TMEM74B: variants seen among roughly 807,000 people sequenced by gnomAD.
TMEM74B encodes transmembrane protein 74B, also known as transmembrane protein C20orf46.
In TMEM74B, 7 loss-of-function variants were observed where a neutral mutation model predicts 6.5. The ratio of observed to expected loss-of-function variants is 1.07; its 90% confidence interval spans 0.61 to 2.01. TMEM74B has a LOEUF of 2.01. Ranked by LOEUF, TMEM74B falls within the 30% of genes most tolerant of loss-of-function variation. The pLI, the probability that TMEM74B is intolerant of heterozygous loss-of-function variation, is 0.00. For missense variants in TMEM74B, 342 were observed against 337.0 expected (o/e 1.01, Z -0.12); for synonymous variants, 151 against 151.6 (o/e 1.00, Z 0.03).
At position 1,181,411 on chromosome 20, in the gene TMEM74B, C is replaced by T; in HGVS notation, c.208G>A (p.Glu70Lys). 6.5e-7 allele frequency: 1 copy of T among 1,527,382 alleles called. No homozygotes were observed. Among genetic ancestry groups the T allele is most frequent in the Non-Finnish European group, 8.8e-7 (1 of 1,137,408 alleles). The allele number at this position is 1,527,382 out of a possible 1,614,324, so 94.6% of individuals were successfully genotyped here. ...ENACFSSEEH[E>K]THFQNPGNTR... ...TTCCCAGGGTTCTGGAAATGGGTCTCATGCTCCTCTGAGGAGAAGCAGGCA... is the reference window on the plus strand; with the variant it reads ...TTCCCAGGGTTCTGGAAATGGGTCTTATGCTCCTCTGAGGAGAAGCAGGCA... Residue 70 changes from glutamate (E) to lysine (K), a missense_variant, in exon 3 of 3, where the codon GAG becomes AAG. Transcript: ENST00000429036. The surrounding 1 kb of genome is among the most constrained non-coding windows in gnomAD (Gnocchi z 4.9).
upstream of TMEM74B, among the ~76,000 whole-genome samples, chr20:1,188,302 A>G (rs371626560): frequency 6.6e-6 from 1 of 152,098 alleles, no homozygotes; most frequent in African/African-American, 2.4e-5. Flanking sequence ...CCATTCTCCA[A>G]TAAAAGGATC....
intron 2 of TMEM74B, among the ~76,000 whole-genome samples, chr20:1,182,526 G>GA (rs1242228221): frequency 6.2e-4 from 94 of 152,244 alleles, no homozygotes; most frequent in Non-Finnish European, 9.0e-4. Context: ...CCAGCAGGTT[G>GA]GGGATGGCAT....
At chr20:1,188,668 C>T (rs1224624065), upstream of TMEM74B, among the ~76,000 whole-genome samples, 1 of 150,282 alleles carries the variant, frequency 6.7e-6, no homozygotes, top group African/African-American at 2.4e-5. Context: ...TACACACACA[C>T]CACACACACA....
At position 1,180,857 on chromosome 20, in the gene TMEM74B, C is replaced by G; in HGVS notation, c.762G>C (p.Gln254His). The stretch of plus-strand genomic sequence containing the variant: ...TAAGGTGGGCTAGTTCTTAAGACCT[C>G]TGGAGGGTGTGGCTAGTCTCTGAGA... ...VQVSETSHTL[Q>H]RS The change falls in exon 3 of 3, where the codon CAG (glutamine) becomes CAC (histidine). Residue 254 changes from glutamine to histidine, a missense_variant. By Grantham distance (24) the Gln-to-His change is conservative (BLOSUM62 0). Transcript: ENST00000429036. The surrounding 1 kb of genome is among the most constrained non-coding windows in gnomAD (Gnocchi z 6.1). 6.3e-7 allele frequency: 1 copy of G among 1,590,530 alleles called. No homozygotes were observed.
chr20:1,185,576 G>C (rs567738116), upstream of TMEM74B, among the ~76,000 whole-genome samples: 1 of 151,546 alleles, frequency 6.6e-6, no homozygotes, highest in Non-Finnish European at 1.5e-5. Flanking sequence ...AGGAAGGCGG[G>C]TGATGGGCTG....
Position 1,181,476 on chromosome 20 carries a change from G to C in TMEM74B, c.143C>G (p.Pro48Arg), listed in dbSNP as rs1239197106. 1.3e-6 allele frequency: 2 copies of C among 1,513,240 alleles called. No homozygotes were observed. Among genetic ancestry groups the C allele is most frequent in the Admixed American group, 4.6e-5 (2 of 43,514 alleles). 93.7% of individuals were successfully genotyped at this position (1,513,240 alleles called of 1,614,324 possible). A position where few individuals can be genotyped will look rare whatever the true frequency, so the allele number is the denominator to read the frequency against. Residue 48 changes from proline (P) to arginine (R), a missense_variant, in exon 3 of 3, where the codon CCC (proline) becomes CGC (arginine). Physicochemically the swap from Pro to Arg is moderately radical, Grantham distance 103. Transcript: ENST00000429036. This position sits in a 1 kb window ranked among gnomAD's most constrained non-coding sequence, Gnocchi z 4.9. ...CCTGGTTGGGGCCACTGGGCCCAGGGGAGCTGATCTCCTTGGGGCTTGGGG... is the reference window on the plus strand; with the variant it reads ...CCTGGTTGGGGCCACTGGGCCCAGGCGAGCTGATCTCCTTGGGGCTTGGGG... ...NGPQAPRRSA[P>R]LGPVAPTREG...
chr20:1,185,971 C>T (rs1568499103), upstream of TMEM74B: 2 of 152,332 alleles, frequency 1.3e-5, no homozygotes, highest in Non-Finnish European at 2.9e-5. Flanking sequence ...CCCCCTCCCC[C>T]TTTTCTCTGC....
rs536617363 is a variant in TMEM74B at position 1,184,846 on chromosome 20, C to T, written c.-692G>A. On this transcript the variant is annotated 5_prime_UTR_variant, in exon 1 of 3. It adds an upstream start codon to the 5' untranslated region. Coordinates refer to ENST00000429036, the MANE Select transcript of TMEM74B (RefSeq NM_001304748.2). The surrounding 1 kb of genome is among the most constrained non-coding windows in gnomAD (Gnocchi z 6.0). ...GCCTTGGGGCGCGCAGATACGCACA[C>T]GCAGGTCCACGCTGTTGTACCCAAA... Among the ~76,000 whole-genome samples the T allele has an allele frequency of 6.6e-6, 1 of 152,348 alleles. No homozygotes were observed. Among genetic ancestry groups the T allele is most frequent in the South Asian group, 2.1e-4 (1 of 4,832 alleles).
At chr20:1,185,444 G>A (rs980699801), upstream of TMEM74B, 44 of 151,048 alleles carry the variant, frequency 2.9e-4, no homozygotes, top group African/African-American at 4.9e-4. Context: ...TGGGGAGGCG[G>A]GGGGGGGATC....
At chr20:1,188,265 G>A (rs932426085), upstream of TMEM74B, among the ~76,000 whole-genome samples, 2 of 149,428 alleles carry the variant, frequency 1.3e-5, no homozygotes, top group Middle Eastern at 7.6e-3. Context: ...ACAAGCACAC[G>A]TAGCACTGAA....
At position 1,181,437 on chromosome 20, in the gene TMEM74B, T is replaced by C. The variant is rs745331820; in HGVS notation, c.182A>G (p.Asn61Ser). ...PVAPTREGVENACFSSEEHET... is the reference protein window; with the variant it reads ...PVAPTREGVESACFSSEEHET... ...ATGCTCCTCTGAGGAGAAGCAGGCA[T>C]TCTCCACACCCTCCCTGGTTGGGGC... The change falls in exon 3 of 3, where the codon AAT (asparagine) becomes AGT (serine). Residue 61 changes from asparagine to serine, a missense_variant. Coordinates refer to ENST00000429036, the MANE Select transcript of TMEM74B (RefSeq NM_001304748.2). The surrounding 1 kb of genome is among the most constrained non-coding windows in gnomAD (Gnocchi z 4.9). The C allele has an allele frequency of 6.6e-7, 1 of 1,518,388 alleles. No individual in the cohort carries two copies. The highest frequency in any genetic ancestry group is 1.3e-5 in the South Asian group (1 of 75,256). 94.1% of individuals were successfully genotyped at this position (1,518,388 alleles called of 1,614,324 possible). A position where few individuals can be genotyped will look rare whatever the true frequency, so the allele number is the denominator to read the frequency against.
rs761727295 is a variant in TMEM74B, at chr20:1,181,293, C to G, written c.326G>C (p.Gly109Ala). 3.7e-6 allele frequency: 6 copies of G among 1,612,560 alleles called. No homozygotes were observed. Among genetic ancestry groups the G allele is most frequent in the African/African-American group, 1.3e-5 (1 of 74,902 alleles). The change falls in exon 3 of 3, where the codon GGG becomes GCG. Residue 109 changes from glycine to alanine, a missense_variant. Gly to Ala is a moderately conservative substitution (Grantham distance 60). Coordinates refer to ENST00000429036, the MANE Select transcript of TMEM74B (RefSeq NM_001304748.2). The surrounding 1 kb of genome is among the most constrained non-coding windows in gnomAD (Gnocchi z 4.9). ...GCGGCTCACGGGCTCCAGGGCTGGC[C>G]CCTCCTCTGAATGAAGGGACAGATC... ...RDDLSLHSEE[G>A]PALEPVSRPV...
Position 1,181,117 on chromosome 20 carries a change from G to C in TMEM74B, c.502C>G (p.Arg168Gly). Reference protein sequence around the residue: ...EMERLEMYYARLGSHLDRCII... With the variant: ...EMERLEMYYAGLGSHLDRCII... The stretch of plus-strand genomic sequence containing the variant: ...CACCTGTCCAGGTGGGAGCCTAGGC[G>C]GGCGTAGTACATCTCCAGTCGTTCC... The change falls in exon 3 of 3, where the codon CGC becomes GGC. Residue 168 changes from arginine to glycine, a missense_variant. Arg to Gly is a moderately radical substitution (Grantham distance 125, BLOSUM62 -2). Coordinates refer to ENST00000429036, the MANE Select transcript of TMEM74B (RefSeq NM_001304748.2). This position sits in a 1 kb window ranked among gnomAD's most constrained non-coding sequence, Gnocchi z 4.9. The C allele has an allele frequency of 6.2e-7, 1 of 1,614,040 alleles. No homozygotes were observed. The highest frequency in any genetic ancestry group is 2.2e-5 in the East Asian group (1 of 44,864).
Position 1,181,119 on chromosome 20 carries a change from G to A in TMEM74B, c.500C>T (p.Ala167Val), listed in dbSNP as rs768071602. The change falls in exon 3 of 3, where the codon GCC becomes GTC. Residue 167 changes from alanine to valine, a missense_variant. Ala to Val is a moderately conservative substitution (Grantham distance 64). Transcript: ENST00000429036. This position sits in a 1 kb window ranked among gnomAD's most constrained non-coding sequence, Gnocchi z 4.9. ...REMERLEMYYARLGSHLDRCI... is the reference protein window; with the variant it reads ...REMERLEMYYVRLGSHLDRCI... ...CCTGTCCAGGTGGGAGCCTAGGCGG[G>A]CGTAGTACATCTCCAGTCGTTCCAT... The A allele has an allele frequency of 8.1e-6, 13 of 1,613,954 alleles. No individual in the cohort carries two copies. In the East Asian group the frequency reaches 2.7e-4, roughly 33 times the overall value.
At chr20:1,183,298 G>C (rs2086922825) in intron 2 of TMEM74B, among the ~76,000 whole-genome samples, 1 of 149,940 alleles carries the variant, frequency 6.7e-6, no homozygotes, top group South Asian at 2.1e-4. Flanking sequence ...CTCTGTGTGT[G>C]TGTGTGTGTG....
chr20:1,181,664 C>G lies in TMEM74B; in HGVS notation c.32-77G>C. The G allele has an allele frequency of 1.4e-6, 2 of 1,384,176 alleles. No individual in the cohort carries two copies. Among genetic ancestry groups the G allele is most frequent in the Non-Finnish European group, 1.9e-6 (2 of 1,072,188 alleles). 85.7% of individuals were successfully genotyped at this position (1,384,176 alleles called of 1,614,324 possible). ...GGAGGACATCATACCAGTCCCTAAGCACATGAAGGTGAGTCAGGCACAATT... is the reference window on the plus strand; with the variant it reads ...GGAGGACATCATACCAGTCCCTAAGGACATGAAGGTGAGTCAGGCACAATT... On this transcript the variant is annotated intron_variant, in intron 2 of 2. Coordinates refer to ENST00000429036, the MANE Select transcript of TMEM74B (RefSeq NM_001304748.2). The surrounding 1 kb of genome is among the most constrained non-coding windows in gnomAD (Gnocchi z 4.9).
intron 2 of TMEM74B, among the ~76,000 whole-genome samples, chr20:1,182,773 T>C (rs2086906592): frequency 6.6e-6 from 1 of 152,200 alleles, no homozygotes; most frequent in Non-Finnish European, 1.5e-5. Flanking sequence ...TGAAGGATAC[T>C]GACTTACAGC....
chr20:1,183,290 C>CTGTG (rs142394583), intron 2 of TMEM74B, among the ~76,000 whole-genome samples: 3,441 of 149,274 alleles, frequency 0.023, 84 homozygotes, highest in African/African-American at 0.073. Context: ...GGTTCGTTCT[C>CTGTG]TGTGTGTGTG....
At chr20:1,189,030 G>A (rs985146708), upstream of TMEM74B, 1 of 152,284 alleles carries the variant, frequency 6.6e-6, no homozygotes, top group African/African-American at 2.4e-5. This position sits in a 1 kb window ranked among gnomAD's most constrained non-coding sequence, Gnocchi z 4.5. Flanking sequence ...CTTTACAGTG[G>A]AGAAACTGAC....
Sources: gnomAD v4.1 joint callset for allele counts (sites outside exome capture counted in the v4.1 genomes callset) on GRCh38, gnomAD v4.1.1 for gene constraint, Gnocchi (gnomAD v3.1) non-coding constraint, MANE v1.5 for transcripts, NCBI Gene and HGNC (gene_info 2026-07-23, HGNC 2026-07-21) for gene names.